ATCAY: variants seen among roughly 807,000 people sequenced by gnomAD.
ATCAY encodes the protein ATCAY kinesin light chain interacting caytaxin, also known as caytaxin.
A neutral mutation model predicts 47.7 loss-of-function variants in ATCAY; 22 were observed. That is an observed-to-expected ratio of 0.46 (90% CI 0.33 to 0.66). The LOEUF (loss-of-function observed/expected upper bound fraction) is 0.66, where lower values mean the gene tolerates loss of function less well. Ranked by LOEUF, ATCAY falls within the 30% of genes least tolerant of loss-of-function variation. The pLI, the probability that ATCAY is intolerant of heterozygous loss-of-function variation, is 0.02. For missense variants in ATCAY, 452 were observed against 515.0 expected (o/e 0.88, Z 1.18); for synonymous variants, 216 against 207.6 (o/e 1.04, Z -0.35).
intron 2 of ATCAY, among the ~76,000 whole-genome samples, chr19:3,900,721 A>C (rs62133664): frequency 0.12 from 18,464 of 151,294 alleles, 1,417 homozygotes; most frequent in Admixed American, 0.21. Flanking sequence ...TTTTTAGTAG[A>C]GATGGCGTTT....
intron 8 of ATCAY, among the ~76,000 whole-genome samples, chr19:3,913,493 A>G (rs549554793): frequency 1.3e-5 from 2 of 152,226 alleles, no homozygotes; most frequent in Admixed American, 6.6e-5. Flanking sequence ...CTTCCTTCCA[A>G]CAAGATCCTC....
At chr19:3,914,434 G>T (rs989013660) in intron 9 of ATCAY, among the ~76,000 whole-genome samples, 3 of 151,830 alleles carry the variant, frequency 2.0e-5, no homozygotes, top group African/African-American at 7.3e-5. Flanking sequence ...GGAAAGACCT[G>T]CCCCCATGAT....
At chr19:3,884,759 C>T (rs2038633245) in intron 1 of ATCAY, among the ~76,000 whole-genome samples, 1 of 152,008 alleles carries the variant, frequency 6.6e-6, no homozygotes, top group Non-Finnish European at 1.5e-5. Flanking sequence ...TCTGTTTTCT[C>T]ATCTGTAAAA....
At position 3,885,130 on chromosome 19, in the gene ATCAY, A is replaced by C. The variant is rs1435534886; in HGVS notation, c.-41-597A>C. Among the ~76,000 whole-genome samples, 98 of 150,298 alleles carry C rather than the reference A, an allele frequency of 6.5e-4. 1 individual carries two copies. The East Asian group carries it at 0.015, about 23-fold the overall frequency. On this transcript the variant is annotated intron_variant, in intron 1 of 12. Coordinates refer to ENST00000450849, the MANE Select transcript of ATCAY (RefSeq NM_033064.5). ...TTTTTAAAAAAAAAAAAAAAAAAAA[A>C]AAAAACAGCCAAGCTCAGTGGCTCA...
intron 2 of ATCAY, among the ~76,000 whole-genome samples, chr19:3,887,766 G>T (rs182294314): frequency 1.3e-5 from 2 of 149,584 alleles, no homozygotes; most frequent in African/African-American, 4.9e-5. Flanking sequence ...GATTACAGGC[G>T]TGAGCCATCG....
At chr19:3,905,887 A>T (rs1228919051) in intron 4 of ATCAY, among the ~76,000 whole-genome samples, 2 of 151,730 alleles carry the variant, frequency 1.3e-5, no homozygotes, top group Non-Finnish European at 1.5e-5. Context: ...AAAAAGAGAG[A>T]GGTGGCTGGG....
At chr19:3,890,642 C>T (rs963348148) in intron 2 of ATCAY, among the ~76,000 whole-genome samples, 4 of 152,146 alleles carry the variant, frequency 2.6e-5, no homozygotes, top group Non-Finnish European at 5.9e-5. Flanking sequence ...CCTGCAAATG[C>T]AAGCTGGAGG....
At chr19:3,912,377 G>A (rs965615842) in intron 8 of ATCAY, among the ~76,000 whole-genome samples, 1 of 151,600 alleles carries the variant, frequency 6.6e-6, no homozygotes, top group Non-Finnish European at 1.5e-5. Flanking sequence ...GCAGTGGCGC[G>A]ATCTCAGCTC....
rs1334418539 is a variant in ATCAY, at chr19:3,907,629, G to C, written c.359-105G>C. 1.5e-6 allele frequency: 2 copies of C among 1,379,306 alleles called. No homozygotes were observed. Among genetic ancestry groups the C allele is most frequent in the Non-Finnish European group, 2.0e-6 (2 of 1,000,216 alleles). 85.4% of individuals were successfully genotyped at this position (1,379,306 alleles called of 1,614,324 possible). On this transcript the variant is annotated intron_variant, in intron 4 of 12. Coordinates refer to ENST00000450849, the MANE Select transcript of ATCAY (RefSeq NM_033064.5). The surrounding 1 kb of genome is among the most constrained non-coding windows in gnomAD (Gnocchi z 5.1). ...GGTGGGGAGAAGCGAAGGACTTGTG[G>C]GTCCCGGCAGCGAGGGAGGTGGGAG...
In ATCAY at chr19:3,907,822, C is replaced by A; in HGVS notation, c.447C>A (p.Ala149=). The change falls in exon 5 of 13, where the codon GCC becomes GCA. Residue 149 remains alanine, a synonymous_variant. Coordinates refer to ENST00000450849, the MANE Select transcript of ATCAY (RefSeq NM_033064.5). This position sits in a 1 kb window ranked among gnomAD's most constrained non-coding sequence, Gnocchi z 5.1. The part of the protein sequence containing the change: ...GDGTTEDGSA[A]NGRLWRTVII... ...GCACGACGGAGGACGGCAGCGCCGC[C>A]AACGGGCGCCTGTGGCGGACAGTGA... 1 of 1,613,994 alleles carries A rather than the reference C, an allele frequency of 6.2e-7. No individual in the cohort carries two copies. Among genetic ancestry groups the A allele is most frequent in the Non-Finnish European group, 8.5e-7 (1 of 1,179,874 alleles).
intron 2 of ATCAY, among the ~76,000 whole-genome samples, chr19:3,898,217 C>T (rs2038786105): frequency 6.6e-6 from 1 of 151,920 alleles, no homozygotes; most frequent in African/African-American, 2.4e-5. Context: ...CAGGGTGTCA[C>T]TCTTTCACCT....
chr19:3,911,030 A>C, intron 8 of ATCAY, 141 bp downstream of exon 8: 1 of 915,434 alleles, frequency 1.1e-6, no homozygotes. Context: ...TGTGTGTTTG[A>C]TGTGCATGTT....
At position 3,908,276 on chromosome 19, in the gene ATCAY, G is replaced by T; in HGVS notation, c.553G>T (p.Gly185Cys). Residue 185 changes from glycine to cysteine, a missense_variant, in exon 6 of 13, where the codon GGC becomes TGC. By Grantham distance (159) the Gly-to-Cys change is radical. Transcript: ENST00000450849. ...CGGCTGCCTCTCCTCAGGGTACTAC[G>T]GCGAAGGCCTCAACGCCATCATCGT... ...MKVVTHGGYYGEGLNAIIVFA... is the reference protein window; with the variant it reads ...MKVVTHGGYYCEGLNAIIVFA... The T allele has an allele frequency of 1.9e-6, 3 of 1,575,354 alleles. No homozygotes were observed. The highest frequency in any genetic ancestry group is 2.6e-6 in the Non-Finnish European group (3 of 1,160,538).
rs934611211 is a variant in ATCAY at position 3,907,911 on chromosome 19, C to A, written c.536C>A (p.Thr179Asn). Reference sequence around the variant, plus strand: ...ATCCGGCCTTACATGAAAGTGGTCACCCACGGAGGTGAGACCCGCCCCCCG... The same window carrying A: ...ATCCGGCCTTACATGAAAGTGGTCAACCACGGAGGTGAGACCCGCCCCCCG... ...HMIRPYMKVV[T>N]HGGYYGEGLN... Residue 179 changes from threonine (T) to asparagine (N), a missense_variant, in exon 5 of 13, where the codon ACC (threonine) becomes AAC (asparagine). By Grantham distance (65) the Thr-to-Asn change is moderately conservative. Transcript: ENST00000450849. This position sits in a 1 kb window ranked among gnomAD's most constrained non-coding sequence, Gnocchi z 5.1. 2 of 1,613,522 alleles carry A rather than the reference C, an allele frequency of 1.2e-6. No individual in the cohort carries two copies. Among genetic ancestry groups the A allele is most frequent in the African/African-American group, 1.3e-5 (1 of 75,050 alleles).
intron 12 of ATCAY, among the ~76,000 whole-genome samples, chr19:3,924,013 T>A (rs1010593178): frequency 6.7e-6 from 1 of 148,826 alleles, no homozygotes; most frequent in Admixed American, 6.7e-5. Flanking sequence ...GACAGATGGA[T>A]GAGTGGGTGG....
intron 4 of ATCAY, 102 bp downstream of exon 4, chr19:3,905,757 G>A: frequency 2.8e-6 from 3 of 1,084,628 alleles, no homozygotes; most frequent in South Asian, 1.5e-5. Context: ...AAGTGGGGCA[G>A]GGGCTCTAAG....
rs766194738 is a variant in ATCAY, at chr19:3,909,611, A to G, written c.773A>G (p.Asp258Gly). The change falls in exon 7 of 13, where the codon GAC (aspartate) becomes GGC (glycine). Residue 258 changes from aspartate (D) to glycine (G), a missense_variant. Transcript: ENST00000450849. ...GWLKKCYQMI[D>G]RRLRKNLKSL... is the part of the protein sequence containing the mutation. ...CTGAAGAAGTGCTACCAGATGATCG[A>G]CCGGAGGTGAGGTGGGGATGCCTCA... is the stretch of plus-strand genomic sequence containing the variant. The G allele has an allele frequency of 6.3e-6, 10 of 1,590,722 alleles. No homozygotes were observed. The highest frequency in any genetic ancestry group is 1.3e-5 in the African/African-American group (1 of 74,380).
At chr19:3,906,184 A>AAAAG (rs1555768090) in intron 4 of ATCAY, among the ~76,000 whole-genome samples, 3 of 148,424 alleles carry the variant, frequency 2.0e-5, no homozygotes, top group Non-Finnish European at 4.5e-5. Flanking sequence ...AAAAAAAAAA[A>AAAAG]AGAGAGAGAG....
chr19:3,880,848 T>A lies in ATCAY; in HGVS notation c.-202T>A, dbSNP rs1184700990. On this transcript the variant is annotated 5_prime_UTR_variant, in exon 1 of 13. Coordinates refer to ENST00000450849, the MANE Select transcript of ATCAY (RefSeq NM_033064.5). Reference sequence around the variant, plus strand: ...AAAGAGCTGGCGGGCGCTGGCCACGTCGCCCTGGGTGACCTTCCTCGGATG... The same window carrying A: ...AAAGAGCTGGCGGGCGCTGGCCACGACGCCCTGGGTGACCTTCCTCGGATG... The A allele has an allele frequency of 6.6e-6, 1 of 152,098 alleles. No individual in the cohort carries two copies. The highest frequency in any genetic ancestry group is 1.5e-5 in the Non-Finnish European group (1 of 68,116). 9.4% of individuals were successfully genotyped at this position (152,098 alleles called of 1,614,324 possible).
Sources: allele counts gnomAD v4.1 joint callset (sites outside exome capture counted in the v4.1 genomes callset), GRCh38; gene constraint gnomAD v4.1.1; non-coding constraint Gnocchi (gnomAD v3.1); transcripts MANE v1.5; gene names NCBI Gene and HGNC (gene_info 2026-07-23, HGNC 2026-07-21).